Variants in PRKN observed in about 807,000 individuals in gnomAD.
PRKN encodes the protein E3 ubiquitin-protein ligase parkin.
Under a neutral mutation model 59.5 loss-of-function variants are expected in PRKN, and 56 were observed. That is an observed-to-expected ratio of 0.94 (90% CI 0.76 to 1.18). The LOEUF is 1.18. PRKN is among the 50% of genes most tolerant of loss of function. The probability of loss-of-function intolerance (pLI) is 0.00; values close to 1 mark genes in which losing one functional copy is unlikely to be tolerated. For missense variants in PRKN, 657 were observed against 596.4 expected, an observed-to-expected ratio of 1.10 and a Z score of -1.06; for synonymous variants, 250 against 222.1, an observed-to-expected ratio of 1.13 and a Z score of -1.12.
chr6:162,229,450 C>T lies in PRKN; in HGVS notation c.413-28198G>A, dbSNP rs1019954938. ...ACCTGCTCTTACCTGGAATCCATTA[C>T]CTGCATCCATTTCAGCCTGCCTGAG... On this transcript the variant is annotated intron_variant, in intron 3 of 11. Coordinates refer to ENST00000366898, the MANE Select transcript of PRKN (RefSeq NM_004562.3). 2.6e-5 allele frequency among the ~76,000 whole-genome samples: 4 copies of T among 152,336 alleles called. No individual in the cohort carries two copies. In the South Asian group the frequency reaches 8.3e-4, roughly 32 times the overall value.
chr6:162,346,254 T>G (rs1583418022), intron 2 of PRKN, among the ~76,000 whole-genome samples: 1 of 152,266 alleles, frequency 6.6e-6, no homozygotes, highest in African/African-American at 2.4e-5. Flanking sequence ...TTCCCAATCT[T>G]AAAAATAACC....
intron 4 of PRKN, among the ~76,000 whole-genome samples, chr6:162,121,550 T>C (rs1780916023): frequency 6.6e-6 from 1 of 152,212 alleles, no homozygotes; most frequent in Admixed American, 6.5e-5. Flanking sequence ...AGAGGACTGC[T>C]GCAGATTCAG....
intron 2 of PRKN, among the ~76,000 whole-genome samples, chr6:162,409,688 C>A (rs1257311094): frequency 2.0e-5 from 3 of 152,154 alleles, no homozygotes; most frequent in African/African-American, 4.8e-5. Flanking sequence ...ATATTTACCT[C>A]TTTCAAGCCC....
intron 6 of PRKN, among the ~76,000 whole-genome samples, chr6:161,930,289 A>C (rs1779124294): frequency 6.6e-6 from 1 of 152,248 alleles, no homozygotes; most frequent in Admixed American, 6.5e-5. Context: ...AAATGAAACA[A>C]ATTGTGATTT....
chr6:162,032,521 G>C (rs1248426359), intron 5 of PRKN, among the ~76,000 whole-genome samples: 1 of 152,110 alleles, frequency 6.6e-6, no homozygotes, highest in African/African-American at 2.4e-5. Context: ...ACCACCTCTA[G>C]AGAGGACAAA....
At chr6:162,301,335 T>C (rs1781943492) in intron 2 of PRKN, among the ~76,000 whole-genome samples, 2 of 150,944 alleles carry the variant, frequency 1.3e-5, no homozygotes, top group Admixed American at 6.6e-5. Flanking sequence ...TCAGCATTCT[T>C]AAACTTCTGA....
intron 7 of PRKN, among the ~76,000 whole-genome samples, chr6:161,724,968 A>T (rs1787379084): frequency 6.6e-6 from 1 of 152,128 alleles, no homozygotes; most frequent in Admixed American, 6.5e-5. Flanking sequence ...GTTATTTCAA[A>T]GTGTGTGGCA....
chr6:162,549,050 C>CT (rs1167881805), intron 1 of PRKN, among the ~76,000 whole-genome samples: 1 of 152,034 alleles, frequency 6.6e-6, no homozygotes, highest in Non-Finnish European at 1.5e-5. Context: ...TCCTGCCCCC[C>CT]CAAGATGATG....
chr6:161,834,374 T>G (rs1792649815), intron 6 of PRKN, among the ~76,000 whole-genome samples: 1 of 152,154 alleles, frequency 6.6e-6, no homozygotes, highest in Admixed American at 6.5e-5. Context: ...AGGCTTCCCA[T>G]GGACCATATC....
In PRKN at chr6:161,362,251, G is replaced by A. The variant is rs114615294; in HGVS notation, c.1168-2046C>T. 6.9e-3 allele frequency among the ~76,000 whole-genome samples: 1,049 copies of A among 152,258 alleles called. 10 individuals carry two copies. The highest frequency in any genetic ancestry group is 0.023 in the African/African-American group (967 of 41,536). On this transcript the variant is annotated intron_variant, in intron 10 of 11. Coordinates refer to ENST00000366898, the MANE Select transcript of PRKN (RefSeq NM_004562.3). This position sits in a 1 kb window ranked among gnomAD's most constrained non-coding sequence, Gnocchi z 5.2. ...ATATGGAAAAAAATCTTTTTTAAAC[G>A]TACGGCTGATAGGGTGGGAAGGCAA...
chr6:161,359,046 C>T lies in PRKN; in HGVS notation c.1285+1042G>A, dbSNP rs7767565. Among the ~76,000 whole-genome samples, 7 of 151,786 alleles carry T rather than the reference C, an allele frequency of 4.6e-5. No individual in the cohort carries two copies. The highest frequency in any genetic ancestry group is 3.4e-3 in the Middle Eastern group (1 of 294). On this transcript the variant is annotated intron_variant, in intron 11 of 11. Coordinates refer to ENST00000366898, the MANE Select transcript of PRKN (RefSeq NM_004562.3). This position sits in a 1 kb window ranked among gnomAD's most constrained non-coding sequence, Gnocchi z 5.4. ...CCTGACCTTGTGATCCACCCGCCTC[C>T]GCCTCCCAAAGTGCTGGGATTACAG... is the stretch of plus-strand genomic sequence containing the variant.
chr6:162,506,736 C>T (rs1040309000), intron 1 of PRKN, among the ~76,000 whole-genome samples: 7 of 152,018 alleles, frequency 4.6e-5, no homozygotes, highest in African/African-American at 1.4e-4. Flanking sequence ...GAAGAGATGA[C>T]GAGATGAGTT....
At chr6:162,347,097 T>C (rs1216642134) in intron 2 of PRKN, among the ~76,000 whole-genome samples, 1 of 151,048 alleles carries the variant, frequency 6.6e-6, no homozygotes, top group Non-Finnish European at 1.5e-5. Flanking sequence ...AACTATTATA[T>C]TTATTATATT....
At chr6:162,597,375 G>A (rs1781531736) in intron 1 of PRKN, among the ~76,000 whole-genome samples, 1 of 152,006 alleles carries the variant, frequency 6.6e-6, no homozygotes, top group African/African-American at 2.4e-5. Context: ...TATTTTACGA[G>A]GTGGAATTAA....
intron 3 of PRKN, among the ~76,000 whole-genome samples, chr6:162,245,378 C>A (rs1229935286): frequency 6.6e-6 from 1 of 152,002 alleles, no homozygotes; most frequent in Non-Finnish European, 1.5e-5. Flanking sequence ...ATTTACCTAT[C>A]TATAATCAAG....
At chr6:161,816,580 A>G (rs1023590846) in intron 6 of PRKN, among the ~76,000 whole-genome samples, 2 of 152,154 alleles carry the variant, frequency 1.3e-5, no homozygotes, top group African/African-American at 4.8e-5. Context: ...TGTTTAACCA[A>G]AGATTTTCAT....
At chr6:162,402,962 G>C (rs1787873232) in intron 2 of PRKN, among the ~76,000 whole-genome samples, 1 of 152,034 alleles carries the variant, frequency 6.6e-6, no homozygotes, top group African/African-American at 2.4e-5. Context: ...ATATATTTCT[G>C]TTAAGGGTAT....
intron 1 of PRKN, among the ~76,000 whole-genome samples, chr6:162,576,643 C>T (rs1370567758): frequency 6.6e-6 from 1 of 152,038 alleles, no homozygotes; most frequent in African/African-American, 2.4e-5. Flanking sequence ...GAAACCCTGT[C>T]TCTACTAAAA....
At chr6:161,811,901 G>A (rs970231389) in intron 6 of PRKN, among the ~76,000 whole-genome samples, 1 of 151,506 alleles carries the variant, frequency 6.6e-6, no homozygotes, top group African/African-American at 2.4e-5. Flanking sequence ...CAGCCTGGGT[G>A]ACAGAGCAAG....
Sources: allele counts gnomAD v4.1 joint callset (sites outside exome capture counted in the v4.1 genomes callset), GRCh38; gene constraint gnomAD v4.1.1; non-coding constraint Gnocchi (gnomAD v3.1); transcripts MANE v1.5; gene names NCBI Gene and HGNC (gene_info 2026-07-23, HGNC 2026-07-21).